Variants in KCNK1 observed in about 807,000 individuals in gnomAD.
The protein encoded by KCNK1 is potassium two pore domain channel subfamily K member 1.
KCNK1 carries 10 observed loss-of-function variants against 22.2 expected under a neutral mutation model. The observed-to-expected ratio is 0.45, with a 90% confidence interval of 0.28 to 0.76. The LOEUF (loss-of-function observed/expected upper bound fraction) is 0.76, where lower values mean the gene tolerates loss of function less well. Ranked by LOEUF, KCNK1 falls within the 30% of genes least tolerant of loss-of-function variation. The probability of loss-of-function intolerance (pLI) is 0.14; values close to 1 mark genes in which losing one functional copy is unlikely to be tolerated. For synonymous variants in KCNK1, 200 were observed against 186.4 expected, an observed-to-expected ratio of 1.07 and a Z score of -0.60; for missense variants, 378 against 421.0, an observed-to-expected ratio of 0.90 and a Z score of 0.89.
intron 1 of KCNK1, among the ~76,000 whole-genome samples, chr1:233,661,643 T>C (rs1658395046): frequency 6.6e-6 from 1 of 152,184 alleles, no homozygotes; most frequent in South Asian, 2.1e-4. Context: ...TAGAGCTCCC[T>C]TGAGCCTTCT....
At chr1:233,628,881 A>G (rs771125001) in intron 1 of KCNK1, among the ~76,000 whole-genome samples, 3 of 152,220 alleles carry the variant, frequency 2.0e-5, no homozygotes, top group Non-Finnish European at 4.4e-5. Flanking sequence ...CCTTACATAG[A>G]CTGAAGTGAA....
chr1:233,670,154 A>C (rs1437412634), intron 2 of KCNK1, among the ~76,000 whole-genome samples: 1 of 152,024 alleles, frequency 6.6e-6, no homozygotes, highest in Non-Finnish European at 1.5e-5. Flanking sequence ...AAAATGATGG[A>C]AGGAATTTTA....
Position 233,614,538 on chromosome 1 carries a change from T to G in KCNK1, c.355+12T>G. On this transcript the variant is annotated intron_variant, in intron 1 of 2. Coordinates refer to ENST00000366621, the MANE Select transcript of KCNK1 (RefSeq NM_002245.4). ...GCTCTCCACCACAGGTAGGGTATCC[T>G]GCGCGCCCCCTGGCCGCCCCGGCCA... 6.4e-7 allele frequency: 1 copy of G among 1,552,784 alleles called. No homozygotes were observed. The highest frequency in any genetic ancestry group is 1.2e-5 in the South Asian group (1 of 82,372).
At chr1:233,653,454 TG>T (rs1658234007) in intron 1 of KCNK1, among the ~76,000 whole-genome samples, 1 of 140,306 alleles carries the variant, frequency 7.1e-6, no homozygotes, top group Non-Finnish European at 1.6e-5. Context: ...CCCAGGTAGC[TG>T]GTAAAACATT....
chr1:233,633,914 A>G (rs2102890083), intron 1 of KCNK1, among the ~76,000 whole-genome samples: 1 of 152,314 alleles, frequency 6.6e-6, no homozygotes, highest in East Asian at 1.9e-4. Flanking sequence ...TAGTGTATTC[A>G]TTTATTAATA....
chr1:233,617,311 T>A (rs1657503744), intron 1 of KCNK1, among the ~76,000 whole-genome samples: 1 of 152,190 alleles, frequency 6.6e-6, no homozygotes, highest in Non-Finnish European at 1.5e-5. Context: ...GGAAGAAGGC[T>A]TAGGTTGGTA....
chr1:233,615,919 A>G (rs1017924582), intron 1 of KCNK1, among the ~76,000 whole-genome samples: 1 of 152,234 alleles, frequency 6.6e-6, no homozygotes, highest in Non-Finnish European at 1.5e-5. Flanking sequence ...ACAGAAGTGG[A>G]ATTCTAGCTT....
chr1:233,667,569 A>C (rs1658518258), intron 2 of KCNK1, among the ~76,000 whole-genome samples: 1 of 151,714 alleles, frequency 6.6e-6, no homozygotes, highest in South Asian at 2.1e-4. Context: ...TCTGTACTAA[A>C]AATACAAAAA....
rs759937127 is a variant in KCNK1 at position 233,667,001 on chromosome 1, C to G, written c.751+11C>G. On this transcript the variant is annotated intron_variant, in intron 2 of 2. Transcript: ENST00000366621. ...AGATTGGGATCACGTGTGAGTATTACAGCTCCCTGGCTGCTCCTTCTGTCT... is the reference window on the plus strand; with the variant it reads ...AGATTGGGATCACGTGTGAGTATTAGAGCTCCCTGGCTGCTCCTTCTGTCT... The G allele has an allele frequency of 1.3e-6, 2 of 1,567,666 alleles. No homozygotes were observed. The highest frequency in any genetic ancestry group is 1.7e-6 in the Non-Finnish European group (2 of 1,161,182).
At chr1:233,656,401 C>T (rs768706741) in intron 1 of KCNK1, among the ~76,000 whole-genome samples, 1 of 152,138 alleles carries the variant, frequency 6.6e-6, no homozygotes, top group Non-Finnish European at 1.5e-5. Context: ...TGCAGCAGGT[C>T]GTCTCAGTAG....
At chr1:233,646,432 G>A (rs1434959610) in intron 1 of KCNK1, among the ~76,000 whole-genome samples, 1 of 152,240 alleles carries the variant, frequency 6.6e-6, no homozygotes, top group Non-Finnish European at 1.5e-5. Flanking sequence ...AATCACGCAG[G>A]GAGAGCTGCC....
At chr1:233,647,015 T>C (rs972474276) in intron 1 of KCNK1, among the ~76,000 whole-genome samples, 1 of 152,168 alleles carries the variant, frequency 6.6e-6, no homozygotes, top group African/African-American at 2.4e-5. Flanking sequence ...GCACATTGCT[T>C]CTGCTATTTC....
At chr1:233,658,486 A>G (rs993893765) in intron 1 of KCNK1, among the ~76,000 whole-genome samples, 3 of 152,246 alleles carry the variant, frequency 2.0e-5, no homozygotes, top group African/African-American at 7.2e-5. Context: ...AGCAAGAATC[A>G]TCTAACAAAA....
chr1:233,638,514 G>A (rs1657949272), intron 1 of KCNK1, among the ~76,000 whole-genome samples: 1 of 152,080 alleles, frequency 6.6e-6, no homozygotes, highest in African/African-American at 2.4e-5. Context: ...TTGGACTGGA[G>A]CACTGCAGGG....
At chr1:233,614,729 TGACTCGGGAGGGCAAGCCCTGCGGA>T (rs978484797) in intron 1 of KCNK1, among the ~76,000 whole-genome samples, 1 of 151,368 alleles carries the variant, frequency 6.6e-6, no homozygotes, top group Non-Finnish European at 1.5e-5. Flanking sequence ...TCTGCCTGGG[TGACTCGGGAGGGCAAGCCCTGCGGA>T]GCCGGAAGCC....
chr1:233,622,983 G>A (rs1657617735), intron 1 of KCNK1, among the ~76,000 whole-genome samples: 1 of 152,104 alleles, frequency 6.6e-6, no homozygotes, highest in Non-Finnish European at 1.5e-5. Context: ...TAGTACCCAT[G>A]GAAGGGCTTT....
At chr1:233,627,037 C>T (rs746288593) in intron 1 of KCNK1, among the ~76,000 whole-genome samples, 5 of 151,240 alleles carry the variant, frequency 3.3e-5, no homozygotes, top group Non-Finnish European at 7.4e-5. Flanking sequence ...ACAATCTAAA[C>T]ATTTTAGGAG....
intron 1 of KCNK1, chr1:233,655,710 G>A (rs1388967602): frequency 6.5e-6 from 1 of 152,830 alleles, no homozygotes; most frequent in Non-Finnish European, 1.5e-5. Flanking sequence ...TCTGCCTTGT[G>A]AGATTAGAGT....
At chr1:233,651,384 A>G (rs188534084) in intron 1 of KCNK1, among the ~76,000 whole-genome samples, 3 of 152,330 alleles carry the variant, frequency 2.0e-5, no homozygotes, top group African/African-American at 4.8e-5. Flanking sequence ...GTCAAACCTG[A>G]AAGCAAACCC....
Sources: allele counts gnomAD v4.1 joint callset (sites outside exome capture counted in the v4.1 genomes callset), GRCh38; gene constraint gnomAD v4.1.1; transcripts MANE v1.5; gene names NCBI Gene and HGNC (gene_info 2026-07-23, HGNC 2026-07-21).